Variants in COPA observed in about 807,000 individuals in gnomAD.
The protein encoded by COPA is coat protein complex I subunit alpha.
COPA carries 10 observed loss-of-function variants against 158.7 expected under a neutral mutation model. The observed-to-expected ratio is 0.06, with a 90% CI of 0.04 to 0.11. The LOEUF (loss-of-function observed/expected upper bound fraction) is 0.11. Among genes scored for constraint, COPA ranks in the 10% least tolerant of loss-of-function variants. COPA has a pLI of 1.00. For missense variants in COPA, 1,065 were observed against 1,536.7 expected (o/e 0.69, Z 5.13); for synonymous variants, 462 against 542.8 (o/e 0.85, Z 2.07).
Position 160,294,783 on chromosome 1 carries a change from G to T in COPA, c.2551C>A (p.Leu851Met). 6.2e-7 allele frequency: 1 copy of T among 1,614,138 alleles called. No individual in the cohort carries two copies. The highest frequency in any genetic ancestry group is 8.5e-7 in the Non-Finnish European group (1 of 1,180,008). The change falls in exon 24 of 33, where the codon CTG becomes ATG. Residue 851 changes from leucine to methionine, a missense_variant. Physicochemically the swap from Leu to Met is conservative, Grantham distance 15 (BLOSUM62 2). Transcript: ENST00000241704. ...GTEGWGEDAE[L>M]QLDEDGFVEA... ...GCACTTTTACCTTCATCCAACTGCA[G>T]CTCTGCATCCTCTCCCCAGCCCTCT...
intron 30 of COPA, 140 bp downstream of exon 30, chr1:160,291,679 T>A (rs1196793344): frequency 9.2e-7 from 1 of 1,089,596 alleles, no homozygotes; most frequent in East Asian, 2.4e-5. Flanking sequence ...TGAAGAAATG[T>A]ATCCTCCCCT....
chr1:160,307,289 C>T (rs771968371), intron 13 of COPA, 44 bp from the exon 14 acceptor site: 2 of 1,590,928 alleles, frequency 1.3e-6, no homozygotes, highest in Non-Finnish European at 1.7e-6. Context: ...TGGTGAGTCA[C>T]TGGCAGGTGA....
intron 25 of COPA, among the ~76,000 whole-genome samples, chr1:160,294,091 C>T (rs1406636836): frequency 1.3e-5 from 2 of 152,232 alleles, no homozygotes; most frequent in African/African-American, 4.8e-5. Flanking sequence ...ATCCTCTCCT[C>T]TTGGAGCATA....
In COPA at chr1:160,314,137, A is replaced by G. The variant is rs754603596; in HGVS notation, c.707-12T>C. The G allele has an allele frequency of 2.5e-6, 4 of 1,609,412 alleles. No homozygotes were observed. Among genetic ancestry groups the G allele is most frequent in the Non-Finnish European group, 3.4e-6 (4 of 1,178,194 alleles). ...CCATGCCTTTGATTCTGAAGGACAAAAAGAATTAGGTCATCACAATTCCCT... is the reference window on the plus strand; with the variant it reads ...CCATGCCTTTGATTCTGAAGGACAAGAAGAATTAGGTCATCACAATTCCCT... On this transcript the variant is annotated splice_polypyrimidine_tract_variant and intron_variant, in intron 8 of 32. Transcript: ENST00000241704.
Position 160,311,875 on chromosome 1 carries a change from A to C in COPA, c.1069T>G (p.Leu357Val). 1 of 1,612,404 alleles carries C rather than the reference A, an allele frequency of 6.2e-7. No individual in the cohort carries two copies. The highest frequency in any genetic ancestry group is 8.5e-7 in the Non-Finnish European group (1 of 1,178,856). The change falls in exon 11 of 33, where the codon TTG (leucine) becomes GTG (valine). Residue 357 changes from leucine to valine, a missense_variant. Leu to Val is a conservative substitution (Grantham distance 32). Around this residue, in one of 2 missense-constraint regions of COPA, gnomAD observed 980 missense variants for 1,357.8 expected, o/e 0.72. Coordinates refer to ENST00000241704, the MANE Select transcript of COPA (RefSeq NM_004371.4). ...NSSKDVAVMQ[L>V]RSGSKFPVFN... Reference sequence around the variant, plus strand: ...GAAACAAGTCCGATTTACCTCCGCAACTGCATCACAGCTACATCTTTGGAG... The same window carrying C: ...GAAACAAGTCCGATTTACCTCCGCACCTGCATCACAGCTACATCTTTGGAG...
At chr1:160,310,326 AC>A (rs1658922992) in intron 11 of COPA, 68 bp from the exon 12 acceptor site, 2 of 863,778 alleles carry the variant, frequency 2.3e-6, no homozygotes, top group South Asian at 1.7e-5. Context: ...GAAAGGAATC[AC>A]CCCCACACCT....
intron 1 of COPA, among the ~76,000 whole-genome samples, chr1:160,340,728 T>C (rs1249294165): frequency 1.3e-5 from 2 of 152,222 alleles, no homozygotes; most frequent in South Asian, 2.1e-4. Context: ...GTGTGAACTC[T>C]GGGGATTGCT....
In COPA at chr1:160,293,204, C is replaced by T; in HGVS notation, c.2785G>A (p.Asp929Asn). ...TCGAAAGAGCCTGCCAGGATGTGATCAACTGGAAGCTGAGAGTTATTACAC... is the reference window on the plus strand; with the variant it reads ...TCGAAAGAGCCTGCCAGGATGTGATTAACTGGAAGCTGAGAGTTATTACAC... ...IWCNNSQLPV[D>N]HILAGSFETA... Residue 929 changes from aspartate to asparagine, a missense_variant, in exon 27 of 33, where the codon GAT (aspartate) becomes AAT (asparagine). By Grantham distance (23) the Asp-to-Asn change is conservative. Transcript: ENST00000241704. 6.2e-7 allele frequency: 1 copy of T among 1,614,174 alleles called. No individual in the cohort carries two copies. The highest frequency in any genetic ancestry group is 8.5e-7 in the Non-Finnish European group (1 of 1,180,030).
At chr1:160,332,319 A>G (rs1159736035) in intron 6 of COPA, 129 bp downstream of exon 6, 1 of 503,702 alleles carries the variant, frequency 2.0e-6, no homozygotes, top group Non-Finnish European at 3.4e-6. Flanking sequence ...AACCTCAGAA[A>G]CAAAGATGCT....
chr1:160,292,003 C>T lies in COPA; in HGVS notation c.3147+9G>A, dbSNP rs1571147645. On this transcript the variant is annotated intron_variant, in intron 29 of 32. Transcript: ENST00000241704. ...GCCCAGAACTGGGACAGCGGCTAGA[C>T]CCTCCTACCTCTGCAATCTCTTGTT... 6.2e-7 allele frequency: 1 copy of T among 1,614,114 alleles called. No individual in the cohort carries two copies. Among genetic ancestry groups the T allele is most frequent in the Non-Finnish European group, 8.5e-7 (1 of 1,179,992 alleles).
intron 3 of COPA, among the ~76,000 whole-genome samples, chr1:160,335,883 C>CA (rs10562824): frequency 0.019 from 1,268 of 67,230 alleles, 7 homozygotes; most frequent in Middle Eastern, 0.038. Context: ...GACTCAGTCT[C>CA]AAAAAAAAAA....
intron 1 of COPA, among the ~76,000 whole-genome samples, chr1:160,340,698 A>C (rs989868998): frequency 6.6e-6 from 1 of 152,224 alleles, no homozygotes; most frequent in East Asian, 1.9e-4. Context: ...GTAGGAACAC[A>C]AACTAGTCCC....
chr1:160,296,969 G>A (rs1160570819), intron 21 of COPA, among the ~76,000 whole-genome samples: 1 of 152,036 alleles, frequency 6.6e-6, no homozygotes, highest in East Asian at 1.9e-4. Flanking sequence ...GGTATATAGT[G>A]GGTTCTCAAA....
At chr1:160,311,789 AAAG>A in intron 11 of COPA, 76 bp downstream of exon 11, 1 of 1,274,366 alleles carries the variant, frequency 7.8e-7, no homozygotes, top group South Asian at 2.4e-5. Context: ...GAAAGAAAGA[AAAG>A]AAGAGTCTTG....
intron 3 of COPA, 81 bp from the exon 4 acceptor site, chr1:160,335,403 G>T: frequency 9.1e-7 from 1 of 1,095,218 alleles, no homozygotes; most frequent in Non-Finnish European, 1.3e-6. Flanking sequence ...TCTTTACAGA[G>T]ATAGAAATAT....
Position 160,297,655 on chromosome 1 carries a change from C to G in COPA, c.2068G>C (p.Val690Leu), listed in dbSNP as rs376444376. The G allele has an allele frequency of 1.9e-6, 3 of 1,614,048 alleles. No individual in the cohort carries two copies. The African/African-American group carries it at 4.0e-5, about 22-fold the overall frequency. The change falls in exon 20 of 33, where the codon GTG (valine) becomes CTG (leucine). Residue 690 changes from valine (V) to leucine (L), a missense_variant. Around this residue, in one of 2 missense-constraint regions of COPA, gnomAD observed 980 missense variants for 1,357.8 expected, o/e 0.72. Coordinates refer to ENST00000241704, the MANE Select transcript of COPA (RefSeq NM_004371.4). Reference protein sequence around the residue: ...VALLQGNHQIVEMCYQRTKNF... With the variant: ...VALLQGNHQILEMCYQRTKNF... ...TTGGTACGCTGATAGCACATTTCCACAATCTGGTGGTTCCCCTGCAGCAGG... is the reference window on the plus strand; with the variant it reads ...TTGGTACGCTGATAGCACATTTCCAGAATCTGGTGGTTCCCCTGCAGCAGG...
At chr1:160,310,969 A>G (rs538489699) in intron 11 of COPA, among the ~76,000 whole-genome samples, 1 of 152,308 alleles carries the variant, frequency 6.6e-6, no homozygotes, top group Non-Finnish European at 1.5e-5. Context: ...CAAGAGACCC[A>G]GCAAATTGTG....
At chr1:160,295,712 GC>G (rs1658377013) in intron 23 of COPA, 23 bp downstream of exon 23, 1 of 1,580,758 alleles carries the variant, frequency 6.3e-7, no homozygotes, top group African/African-American at 1.4e-5. Flanking sequence ...CAACAAAAGT[GC>G]TATGGGAGAA....
At chr1:160,294,732 C>T (rs1658343850) in intron 24 of COPA, 36 bp downstream of exon 24, 2 of 1,609,188 alleles carry the variant, frequency 1.2e-6, no homozygotes, top group African/African-American at 1.3e-5. Context: ...CCAAGGTGTC[C>T]ATCACCCCAG....
Sources: allele counts gnomAD v4.1 joint callset (sites outside exome capture counted in the v4.1 genomes callset), GRCh38; gene constraint gnomAD v4.1.1; regional missense constraint gnomAD v4.1.1; transcripts MANE v1.5; gene names NCBI Gene and HGNC (gene_info 2026-07-23, HGNC 2026-07-21).